The following ASRGL1 variants were observed in gnomAD, a reference collection of about 807,000 sequenced individuals.
ASRGL1 encodes isoaspartyl peptidase/L-asparaginase.
A neutral mutation model predicts 22.4 loss-of-function variants in ASRGL1; 16 were observed. The ratio of observed to expected loss-of-function variants is 0.71; its 90% CI spans 0.48 to 1.08. The LOEUF is 1.08. Ranked by LOEUF, ASRGL1 falls within the 50% of genes least tolerant of loss-of-function variation. ASRGL1 has a pLI of 0.00. For missense variants in ASRGL1, 412 were observed against 410.1 expected (o/e 1.00, Z -0.04); for synonymous variants, 165 against 159.3 (o/e 1.04, Z -0.27).
intron 4 of ASRGL1, among the ~76,000 whole-genome samples, chr11:62,366,130 T>G (rs1413778940): frequency 7.4e-6 from 1 of 135,556 alleles, no homozygotes; most frequent in Non-Finnish European, 1.6e-5. Flanking sequence ...GGAGTGGTGG[T>G]GCATGCCCAT....
intron 2 of ASRGL1, among the ~76,000 whole-genome samples, chr11:62,351,216 T>C (rs1946158864): frequency 6.6e-6 from 1 of 152,352 alleles, no homozygotes; most frequent in Admixed American, 6.5e-5. Flanking sequence ...ACTATGTGCA[T>C]TGAGAACCAC....
chr11:62,370,028 A>G (rs1035377974), intron 4 of ASRGL1, among the ~76,000 whole-genome samples: 6 of 152,196 alleles, frequency 3.9e-5, no homozygotes. Flanking sequence ...ACAGAAGAGT[A>G]CAATGCAACT....
chr11:62,399,548 C>G, the ASRGL1 span, among the ~76,000 whole-genome samples: 1 of 152,234 alleles, frequency 6.6e-6, no homozygotes, highest in African/African-American at 2.4e-5. Context: ...GCTCCTGTCT[C>G]TAACCACCAT....
At chr11:62,379,785 GGTT>G (rs1207570790) in intron 4 of ASRGL1, among the ~76,000 whole-genome samples, 1 of 152,128 alleles carries the variant, frequency 6.6e-6, no homozygotes, top group African/African-American at 2.4e-5. Flanking sequence ...TGACAGTGGG[GGTT>G]GTTGTCCCTG....
chr11:62,362,606 A>AAATATAT (rs1565162171), intron 4 of ASRGL1, among the ~76,000 whole-genome samples: 2 of 28,302 alleles, frequency 7.1e-5, no homozygotes, highest in Non-Finnish European at 1.7e-4. Context: ...ATATTATATA[A>AAATATAT]AATATATATT....
chr11:62,393,806 G>T (rs2134710932), downstream of ASRGL1, among the ~76,000 whole-genome samples: 1 of 151,932 alleles, frequency 6.6e-6, no homozygotes, highest in South Asian at 2.1e-4. Context: ...TATTTTCTCA[G>T]CTCTGGAGGC....
chr11:62,368,805 G>A (rs566516973), intron 4 of ASRGL1, among the ~76,000 whole-genome samples: 1 of 152,278 alleles, frequency 6.6e-6, no homozygotes, highest in East Asian at 1.9e-4. Context: ...GTGCCTTGAT[G>A]TGCACGTATA....
Position 62,357,146 on chromosome 11 carries a change from T to A in ASRGL1, c.491+2T>A, listed in dbSNP as rs764868898. On this transcript the variant is annotated splice_donor_variant, in intron 4 of 6. Coordinates refer to ENST00000415229, the MANE Select transcript of ASRGL1 (RefSeq NM_001083926.2). LOFTEE classifies it high-confidence loss of function. Reference sequence around the variant, plus strand: ...TGCTCAGAAAACAGATTGTCAAAAGTAAGTCTTACCTGTGGCTCGCATTAT... The same window carrying A: ...TGCTCAGAAAACAGATTGTCAAAAGAAAGTCTTACCTGTGGCTCGCATTAT... The A allele has an allele frequency of 1.9e-6, 3 of 1,612,492 alleles. No individual in the cohort carries two copies. The highest frequency in any genetic ancestry group is 2.7e-5 in the African/African-American group (2 of 74,688).
At chr11:62,385,448 A>G (rs1947178579) in intron 4 of ASRGL1, among the ~76,000 whole-genome samples, 1 of 152,222 alleles carries the variant, frequency 6.6e-6, no homozygotes, top group East Asian at 1.9e-4. Context: ...CAGGAACTAC[A>G]GGCACAAGCC....
At chr11:62,352,535 G>A (rs377411049) in intron 2 of ASRGL1, among the ~76,000 whole-genome samples, 12 of 151,724 alleles carry the variant, frequency 7.9e-5, no homozygotes, top group African/African-American at 2.4e-4. Flanking sequence ...AGTGAGCCGA[G>A]ATCACACCAC....
At chr11:62,368,797 G>A (rs1161199880) in intron 4 of ASRGL1, among the ~76,000 whole-genome samples, 1 of 152,146 alleles carries the variant, frequency 6.6e-6, no homozygotes, top group Non-Finnish European at 1.5e-5. Context: ...AAGGTGCTGT[G>A]CCTTGATGTG....
intron 4 of ASRGL1, among the ~76,000 whole-genome samples, chr11:62,369,284 T>A (rs1843214783): frequency 6.6e-6 from 1 of 152,158 alleles, no homozygotes; most frequent in South Asian, 2.1e-4. Context: ...CATTAAACCT[T>A]GAGTCAACAC....
At chr11:62,339,211 TAAA>T (rs1345320756) in intron 2 of ASRGL1, among the ~76,000 whole-genome samples, 2 of 152,166 alleles carry the variant, frequency 1.3e-5, no homozygotes, top group African/African-American at 4.8e-5. Flanking sequence ...TAATTTGGGG[TAAA>T]ATACTTCACT....
intron 2 of ASRGL1, among the ~76,000 whole-genome samples, chr11:62,342,583 G>A (rs1167636847): frequency 6.6e-6 from 1 of 151,800 alleles, no homozygotes; most frequent in African/African-American, 2.4e-5. Flanking sequence ...ATGGCAAAAT[G>A]CTGTCTCTGC....
At chr11:62,366,301 AT>A (rs1298116658) in intron 4 of ASRGL1, among the ~76,000 whole-genome samples, 2 of 148,960 alleles carry the variant, frequency 1.3e-5, no homozygotes, top group Non-Finnish European at 3.0e-5. Flanking sequence ...AGTGAAACAT[AT>A]ATACAAGAAA....
At chr11:62,373,122 A>T in intron 4 of ASRGL1, 2 of 1,461,612 alleles carry the variant, frequency 1.4e-6, no homozygotes, top group Non-Finnish European at 1.9e-6. Flanking sequence ...TGAAAGTGAA[A>T]CTGAGAAAGA....
intron 4 of ASRGL1, among the ~76,000 whole-genome samples, chr11:62,361,278 A>T (rs575453378): frequency 3.9e-4 from 60 of 151,974 alleles, no homozygotes; most frequent in African/African-American, 1.4e-3. Flanking sequence ...TGCAGCCTCA[A>T]TCTCCCAGGC....
intron 4 of ASRGL1, among the ~76,000 whole-genome samples, chr11:62,378,927 G>A (rs1946996373): frequency 6.6e-6 from 1 of 151,998 alleles, no homozygotes; most frequent in South Asian, 2.1e-4. Context: ...ATTTCTCTCA[G>A]TCTCAAGTGG....
At position 62,357,041 on chromosome 11, in the gene ASRGL1, G is replaced by A; in HGVS notation, c.388G>A (p.Gly130Arg). ...QGAAQFAAAM[G>R]VPEIPGEKLV... ...CGCAGCGCAGTTTGCAGCAGCTATGGGGGTTCCAGAGATTCCTGGAGAAAA... is the reference window on the plus strand; with the variant it reads ...CGCAGCGCAGTTTGCAGCAGCTATGAGGGTTCCAGAGATTCCTGGAGAAAA... The change falls in exon 4 of 7, where the codon GGG becomes AGG. Residue 130 changes from glycine to arginine, a missense_variant. Coordinates refer to ENST00000415229, the MANE Select transcript of ASRGL1 (RefSeq NM_001083926.2). The A allele has an allele frequency of 6.2e-7, 1 of 1,614,084 alleles. No homozygotes were observed. Among genetic ancestry groups the A allele is most frequent in the Non-Finnish European group, 8.5e-7 (1 of 1,180,012 alleles).
Sources: allele counts gnomAD v4.1 joint callset (sites outside exome capture counted in the v4.1 genomes callset), GRCh38; gene constraint gnomAD v4.1.1; transcripts MANE v1.5; gene names NCBI Gene and HGNC (gene_info 2026-07-23, HGNC 2026-07-21).